The following SHTN1 variants were observed in gnomAD, a reference collection of about 807,000 sequenced individuals.
The protein encoded by SHTN1 is shootin-1.
SHTN1 carries 42 observed loss-of-function variants against 83.1 expected under a neutral mutation model. That is an observed-to-expected ratio of 0.51 (90% CI 0.39 to 0.65). The LOEUF (loss-of-function observed/expected upper bound fraction) is 0.65, where lower values mean the gene tolerates loss of function less well. Among genes scored for constraint, SHTN1 ranks in the 30% least tolerant of loss-of-function variants. The probability of loss-of-function intolerance (pLI) is 0.00; values close to 1 mark genes in which losing one functional copy is unlikely to be tolerated. For missense variants in SHTN1, 622 were observed against 737.8 expected (o/e 0.84, Z 1.82); for synonymous variants, 224 against 247.7 (o/e 0.90, Z 0.90).
chr10:117,047,830 T>A (rs943034071), intron 2 of SHTN1, among the ~76,000 whole-genome samples: 31 of 149,798 alleles, frequency 2.1e-4, no homozygotes, highest in African/African-American at 7.6e-4. Flanking sequence ...TTGGCCAGAC[T>A]GGTCTTGAAC....
intron 5 of SHTN1, among the ~76,000 whole-genome samples, 174 bp from the exon 6 acceptor site, chr10:116,952,180 CCCCAAAATAG>C (rs1259828713): frequency 6.6e-6 from 1 of 152,160 alleles, no homozygotes; most frequent in Non-Finnish European, 1.5e-5. Flanking sequence ...GCGTGGCCCT[CCCCAAAATAG>C]CCATGGATAT....
chr10:117,055,137 C>T (rs1294292583), intron 1 of SHTN1, among the ~76,000 whole-genome samples: 1 of 152,134 alleles, frequency 6.6e-6, no homozygotes, highest in Non-Finnish European at 1.5e-5. Context: ...TCTAAACCAT[C>T]GAATCTCGTG....
chr10:116,926,013 C>A (rs1243537630), intron 11 of SHTN1, among the ~76,000 whole-genome samples: 3 of 151,842 alleles, frequency 2.0e-5, no homozygotes, highest in Non-Finnish European at 2.9e-5. Flanking sequence ...AAAAAAAACT[C>A]TTTTCTTTAA....
At chr10:116,892,062 CCT>C (rs1165814219) in intron 16 of SHTN1, among the ~76,000 whole-genome samples, 2 of 152,234 alleles carry the variant, frequency 1.3e-5, no homozygotes, top group East Asian at 3.9e-4. Context: ...AACAAGAATT[CCT>C]TTTTAACATA....
intron 16 of SHTN1, chr10:116,900,693 T>C (rs1177464809): frequency 1.4e-5 from 14 of 984,748 alleles, no homozygotes; most frequent in Non-Finnish European, 1.7e-5. Context: ...ACAAATTTAA[T>C]AGGAAAGATG....
chr10:117,020,871 A>G (rs1852250602), intron 2 of SHTN1, among the ~76,000 whole-genome samples: 1 of 152,204 alleles, frequency 6.6e-6, no homozygotes, highest in Non-Finnish European at 1.5e-5. Context: ...CACTATCCAC[A>G]GACAGTGGAA....
At chr10:117,059,855 C>T (rs1274079795) in intron 1 of SHTN1, among the ~76,000 whole-genome samples, 6 of 152,108 alleles carry the variant, frequency 3.9e-5, no homozygotes, top group African/African-American at 1.4e-4. Flanking sequence ...TACATAGAAT[C>T]TCTCTGTATT....
At chr10:116,920,697 C>T (rs1170969855) in intron 12 of SHTN1, among the ~76,000 whole-genome samples, 1 of 152,082 alleles carries the variant, frequency 6.6e-6, no homozygotes, top group Admixed American at 6.5e-5. Context: ...TTGACCTTGA[C>T]CTCCAGAATC....
intron 9 of SHTN1, among the ~76,000 whole-genome samples, chr10:116,937,176 T>C (rs919688772): frequency 1.3e-5 from 2 of 152,196 alleles, no homozygotes; most frequent in African/African-American, 4.8e-5. Flanking sequence ...AAGGTTAATA[T>C]TGTTATGTGT....
chr10:116,981,293 C>T (rs1851010974), intron 1 of SHTN1, among the ~76,000 whole-genome samples: 3 of 152,136 alleles, frequency 2.0e-5, no homozygotes, highest in African/African-American at 7.2e-5. Flanking sequence ...CACACTCCAA[C>T]CTGGGCGACA....
chr10:117,056,216 A>G (rs1295453086), intron 1 of SHTN1, among the ~76,000 whole-genome samples: 1 of 152,254 alleles, frequency 6.6e-6, no homozygotes, highest in East Asian at 1.9e-4. Flanking sequence ...AACTCAATGT[A>G]TGAGGTTAGT....
chr10:116,955,100 CAAAAA>C (rs59777387), intron 4 of SHTN1, among the ~76,000 whole-genome samples: 6 of 87,764 alleles, frequency 6.8e-5, no homozygotes, highest in Non-Finnish European at 1.0e-4. Flanking sequence ...TACTTCACAG[CAAAAA>C]AAAAAAAAAA....
chr10:116,907,847 T>C lies in SHTN1; in HGVS notation c.1360-1100A>G, dbSNP rs1848034602. 7.8e-6 allele frequency: 4 copies of C among 515,290 alleles called. No individual in the cohort carries two copies. The Admixed American group carries it at 7.8e-5, about 10-fold the overall frequency. The allele number at this position is 515,290 out of a possible 1,614,324, so 31.9% of individuals were successfully genotyped here. A position where few individuals can be genotyped will look rare whatever the true frequency, so the allele number is the denominator to read the frequency against. ...CTTTTGTCCACCAAGGCTAATAATC[T>C]TGCCAGCCTTTGTAATGTTTGAACT... On this transcript the variant is annotated intron_variant, in intron 14 of 16. Coordinates refer to ENST00000355371, the MANE Select transcript of SHTN1 (RefSeq NM_001127211.3).
At chr10:116,967,696 G>A (rs999460609) in intron 3 of SHTN1, among the ~76,000 whole-genome samples, 1 of 152,172 alleles carries the variant, frequency 6.6e-6, no homozygotes. Context: ...ATGCTCTATA[G>A]TGGATCTCCA....
intron 1 of SHTN1, among the ~76,000 whole-genome samples, chr10:117,104,546 GGATCAC>G (rs1564960650): frequency 6.6e-6 from 1 of 152,098 alleles, no homozygotes; most frequent in Non-Finnish European, 1.5e-5. Context: ...CGAGGCAGGC[GGATCAC>G]GAGGTCAGGA....
In SHTN1 at chr10:117,084,169, T is replaced by C. The variant is rs528399064; in HGVS notation, c.-188-35659A>G. Among the ~76,000 whole-genome samples, 3 of 152,232 alleles carry C rather than the reference T, an allele frequency of 2.0e-5. No individual in the cohort carries two copies. In the South Asian group the frequency reaches 6.2e-4, roughly 32 times the overall value. On this transcript the variant is annotated intron_variant, in intron 1 of 17. Coordinates refer to the SHTN1 transcript ENST00000392901. ...TTCTGTTCTGTTTTTTCCCCATCTT[T>C]GTGGTTTTATCTACTTTTGGTCTTT...
intron 4 of SHTN1, among the ~76,000 whole-genome samples, chr10:116,958,774 C>T (rs1042331185): frequency 2.0e-5 from 3 of 152,204 alleles, no homozygotes; most frequent in East Asian, 3.8e-4. Flanking sequence ...TAACTCTAGT[C>T]CATCATGTCA....
At chr10:117,122,916 G>A (rs545757980) in intron 1 of SHTN1, among the ~76,000 whole-genome samples, 4 of 152,206 alleles carry the variant, frequency 2.6e-5, no homozygotes, top group African/African-American at 7.2e-5. Flanking sequence ...TCTGAGAAAG[G>A]TGACTCTGCC....
intron 16 of SHTN1, 43 bp downstream of exon 16, chr10:116,901,722 A>G (rs1232794480): frequency 2.7e-6 from 4 of 1,474,534 alleles, no homozygotes; most frequent in Non-Finnish European, 3.6e-6. Flanking sequence ...TAGTCATTAC[A>G]GATTCTTCTA....
Sources: gnomAD v4.1 joint callset for allele counts (sites outside exome capture counted in the v4.1 genomes callset) on GRCh38, gnomAD v4.1.1 for gene constraint, MANE v1.5 for transcripts, NCBI Gene and HGNC (gene_info 2026-07-23, HGNC 2026-07-21) for gene names.